Variants in TYW1 observed in about 807,000 individuals in gnomAD.
The protein encoded by TYW1 is tRNA-yW synthesizing protein 1 homolog.
TYW1 carries 46 observed loss-of-function variants against 96.2 expected under a neutral mutation model. The observed-to-expected ratio is 0.48, with a 90% CI of 0.38 to 0.61. TYW1 has a LOEUF of 0.61. Among genes scored for constraint, TYW1 ranks in the 20% least tolerant of loss-of-function variants. The probability of loss-of-function intolerance (pLI) is 0.00; values close to 1 mark genes in which losing one functional copy is unlikely to be tolerated. For synonymous variants in TYW1, 274 were observed against 323.0 expected, an observed-to-expected ratio of 0.85 and a Z score of 1.63; for missense variants, 684 against 909.6, an observed-to-expected ratio of 0.75 and a Z score of 3.19.
chr7:67,090,088 G>C (rs113530784), intron 11 of TYW1, among the ~76,000 whole-genome samples: 1 of 152,168 alleles, frequency 6.6e-6, no homozygotes, highest in Non-Finnish European at 1.5e-5. Context: ...TAGGCTAGAA[G>C]CAAAGTACTG....
chr7:67,033,690 G>A (rs1007566985), intron 7 of TYW1, among the ~76,000 whole-genome samples: 1 of 150,614 alleles, frequency 6.6e-6, no homozygotes, highest in African/African-American at 2.4e-5. Context: ...TCTGTGATCT[G>A]GGGGACCCTT....
chr7:67,026,566 G>C (rs1350807205), intron 7 of TYW1, among the ~76,000 whole-genome samples: 1 of 151,880 alleles, frequency 6.6e-6, no homozygotes, highest in African/African-American at 2.4e-5. Flanking sequence ...AATTCTAGTA[G>C]GTCCTCTAGA....
intron 15 of TYW1, among the ~76,000 whole-genome samples, chr7:67,236,569 G>A (rs1801897800): frequency 6.6e-6 from 1 of 152,228 alleles, no homozygotes; most frequent in Admixed American, 6.5e-5. Flanking sequence ...TTCAGGGACA[G>A]TCTGTCTTGG....
chr7:67,089,557 C>T (rs186919583), intron 11 of TYW1: 58 of 628,884 alleles, frequency 9.2e-5, no homozygotes, highest in Non-Finnish European at 1.4e-4. Context: ...GAACGCCTGC[C>T]GTCTGTCCTG....
At chr7:67,060,692 A>G (rs1458047736) in intron 9 of TYW1, among the ~76,000 whole-genome samples, 1 of 152,226 alleles carries the variant, frequency 6.6e-6, no homozygotes, top group African/African-American at 2.4e-5. Context: ...GAGGCTATTG[A>G]TTATAAAATT....
intron 13 of TYW1, among the ~76,000 whole-genome samples, chr7:67,154,391 AGTG>A (rs1408399226): frequency 6.6e-6 from 1 of 152,158 alleles, no homozygotes; most frequent in Non-Finnish European, 1.5e-5. Context: ...CAGTCAGTCT[AGTG>A]GTGAGGAATT....
At position 67,149,722 on chromosome 7, in the gene TYW1, A is replaced by AAATC. The variant is rs762217563; in HGVS notation, c.1698+32104_1698+32105insAATC. On this transcript the variant is annotated intron_variant, in intron 13 of 15. Coordinates refer to ENST00000359626, the MANE Select transcript of TYW1 (RefSeq NM_018264.4). ...GGAGCTTGTCAAAAAAGGAAAAAAA[A>AAATC]TATCTATCTATCTATCTATCTATCT... Among the ~76,000 whole-genome samples the AAATC allele has an allele frequency of 2.1e-5, 3 of 140,120 alleles. No homozygotes were observed. The Admixed American group carries it at 2.2e-4, about 10-fold the overall frequency. 91.9% of individuals were successfully genotyped at this position (140,120 alleles called of 152,430 possible). A position where few individuals can be genotyped will look rare whatever the true frequency, so the allele number is the denominator to read the frequency against.
chr7:67,165,002 A>ATT (rs200794334), intron 13 of TYW1, among the ~76,000 whole-genome samples: 40,551 of 148,718 alleles, frequency 0.27, 5,998 homozygotes, highest in African/African-American at 0.39. Context: ...AGATTTGAAT[A>ATT]TTTTTCAGAT....
chr7:67,011,873 C>CAAAA (rs570299951), intron 4 of TYW1, among the ~76,000 whole-genome samples: 1 of 91,722 alleles, frequency 1.1e-5, no homozygotes. Flanking sequence ...ATCTCCGTCT[C>CAAAA]AAAAAAAAAA....
At chr7:67,220,200 G>A (rs1166072599) in intron 15 of TYW1, among the ~76,000 whole-genome samples, 15 of 84,770 alleles carry the variant, frequency 1.8e-4, no homozygotes, top group African/African-American at 6.3e-4. Context: ...TTCATTTATT[G>A]ATTTTTTTTT....
intron 8 of TYW1, among the ~76,000 whole-genome samples, chr7:67,053,382 T>TC (rs2115575056): frequency 6.8e-6 from 1 of 146,488 alleles, no homozygotes; most frequent in East Asian, 2.0e-4. Context: ...GTTTGTTTCT[T>TC]TTTTTTTTTT....
At chr7:67,130,917 C>T (rs1395654635) in intron 13 of TYW1, among the ~76,000 whole-genome samples, 3 of 152,096 alleles carry the variant, frequency 2.0e-5, no homozygotes, top group Non-Finnish European at 4.4e-5. Flanking sequence ...ATTGTCCTTG[C>T]TCTGAATTGA....
intron 10 of TYW1, among the ~76,000 whole-genome samples, chr7:67,069,629 C>T (rs1051615100): frequency 1.3e-5 from 2 of 152,134 alleles, no homozygotes; most frequent in African/African-American, 4.8e-5. Context: ...GTCCCAGCTA[C>T]TCCAGAAGGC....
Position 67,017,197 on chromosome 7 carries a change from G to C in TYW1, c.571-656G>C, listed in dbSNP as rs570148175. 1.8e-3 allele frequency among the ~76,000 whole-genome samples: 276 copies of C among 152,100 alleles called. 3 individuals are homozygous for C. Among genetic ancestry groups the C allele is most frequent in the African/African-American group, 6.3e-3 (261 of 41,516 alleles). On this transcript the variant is annotated intron_variant, in intron 5 of 15. Coordinates refer to ENST00000359626, the MANE Select transcript of TYW1 (RefSeq NM_018264.4). ...GGGGTCTCACCGTGTTGGCCAGGCT[G>C]GTCTTGAACTCCTGGCCTGAAACAA...
chr7:67,028,004 G>C (rs1251774701), intron 7 of TYW1, among the ~76,000 whole-genome samples: 1 of 151,516 alleles, frequency 6.6e-6, no homozygotes, highest in Non-Finnish European at 1.5e-5. Context: ...GGAGGCCGAG[G>C]TGGGTGGATT....
chr7:67,128,188 C>T (rs1052246846), intron 13 of TYW1, among the ~76,000 whole-genome samples: 19 of 152,276 alleles, frequency 1.2e-4, no homozygotes, highest in Non-Finnish European at 2.5e-4. Context: ...ACATTACACC[C>T]TTTATAGTTA....
intron 15 of TYW1, among the ~76,000 whole-genome samples, chr7:67,221,267 T>C (rs1801384010): frequency 6.6e-6 from 1 of 152,250 alleles, no homozygotes; most frequent in Non-Finnish European, 1.5e-5. Flanking sequence ...ATAACCTTTT[T>C]AATTCAAAGT....
chr7:67,013,713 GC>G (rs1475809330), intron 4 of TYW1, among the ~76,000 whole-genome samples: 1 of 148,442 alleles, frequency 6.7e-6, no homozygotes, highest in Admixed American at 6.8e-5. Context: ...TAGCCACCGT[GC>G]CTGGCCATCT....
At chr7:67,024,021 C>T (rs1794365098) in intron 6 of TYW1, among the ~76,000 whole-genome samples, 1 of 152,034 alleles carries the variant, frequency 6.6e-6, no homozygotes, top group Admixed American at 6.6e-5. Context: ...TGTGTCTTCC[C>T]AGTGATGTCA....
Sources: allele counts gnomAD v4.1 joint callset (sites outside exome capture counted in the v4.1 genomes callset), GRCh38; gene constraint gnomAD v4.1.1; transcripts MANE v1.5; gene names NCBI Gene and HGNC (gene_info 2026-07-23, HGNC 2026-07-21).